SSBP2: variants seen among roughly 807,000 people sequenced by gnomAD.
SSBP2 encodes the protein single stranded DNA binding protein 2.
In SSBP2, 17 loss-of-function variants were observed where a neutral mutation model predicts 61.8. That is an observed-to-expected ratio of 0.28 (90% CI 0.19 to 0.41). The LOEUF is 0.41. Among genes scored for constraint, SSBP2 ranks in the 10% least tolerant of loss-of-function variants. The probability of loss-of-function intolerance (pLI) is 1.00; values close to 1 mark genes in which losing one functional copy is unlikely to be tolerated. For missense variants in SSBP2, 310 were observed against 458.7 expected, an observed-to-expected ratio of 0.68 and a Z score of 2.96; for synonymous variants, 139 against 141.3, an observed-to-expected ratio of 0.98 and a Z score of 0.12.
intron 12 of SSBP2, among the ~76,000 whole-genome samples, chr5:81,443,629 C>G (rs1252034497): frequency 1.3e-5 from 2 of 152,172 alleles, no homozygotes; most frequent in Admixed American, 1.3e-4. Flanking sequence ...GTGGCACAAT[C>G]TTGGCTCACT....
chr5:81,416,549 C>T lies in SSBP2; in HGVS notation c.*3955G>A, dbSNP rs569884263. On this transcript the variant is annotated 3_prime_UTR_variant, in exon 17 of 17. Transcript: ENST00000320672. ...TAGTATTAAGGACGGTGGAAAACTT[C>T]CCCAGCCAAAGGAGCAGTTCTGAAT... 6.6e-6 allele frequency: 1 copy of T among 152,274 alleles called. No individual in the cohort carries two copies. Among genetic ancestry groups the T allele is most frequent in the Admixed American group, 6.5e-5 (1 of 15,304 alleles). 9.4% of individuals were successfully genotyped at this position (152,274 alleles called of 1,614,324 possible). A position where few individuals can be genotyped will look rare whatever the true frequency, so the allele number is the denominator to read the frequency against.
intron 3 of SSBP2, among the ~76,000 whole-genome samples, chr5:81,633,442 C>A (rs1476977689): frequency 1.3e-5 from 2 of 152,084 alleles, no homozygotes; most frequent in Admixed American, 6.6e-5. Context: ...ACAGCCTCTT[C>A]TTCCTCCTCA....
chr5:81,476,430 T>C (rs139075209), intron 6 of SSBP2, among the ~76,000 whole-genome samples: 1 of 152,330 alleles, frequency 6.6e-6, no homozygotes. Flanking sequence ...ATGTCTATTC[T>C]ATCCCTACCT....
chr5:81,431,101 G>A (rs1762256140), intron 15 of SSBP2, among the ~76,000 whole-genome samples: 1 of 152,168 alleles, frequency 6.6e-6, no homozygotes, highest in Non-Finnish European at 1.5e-5. Flanking sequence ...AGGGTAGGTG[G>A]TAATGAATTG....
At chr5:81,583,843 G>T (rs1321841156) in intron 4 of SSBP2, among the ~76,000 whole-genome samples, 1 of 152,142 alleles carries the variant, frequency 6.6e-6, no homozygotes, top group Non-Finnish European at 1.5e-5. Flanking sequence ...CCAGAAAGGT[G>T]CATCCATAAT....
intron 4 of SSBP2, among the ~76,000 whole-genome samples, chr5:81,582,953 G>A (rs562223296): frequency 6.6e-6 from 1 of 152,222 alleles, no homozygotes; most frequent in South Asian, 2.1e-4. Context: ...AGGCACAGAG[G>A]CTCACATCTG....
Position 81,583,425 on chromosome 5 carries a change from T to C in SSBP2, c.282+32048A>G, listed in dbSNP as rs373510660. On this transcript the variant is annotated intron_variant, in intron 4 of 16. Coordinates refer to ENST00000320672, the MANE Select transcript of SSBP2 (RefSeq NM_012446.5). ...CGGGCAGATCACAAGGTCAGGAGAT[T>C]GAGACCATCCTGGCTAACACGGTGA... Among the ~76,000 whole-genome samples the C allele has an allele frequency of 7.2e-3, 1,097 of 151,974 alleles. 3 individuals are homozygous for C. Among genetic ancestry groups the C allele is most frequent in the Non-Finnish European group, 0.01 (710 of 67,950 alleles).
intron 1 of SSBP2, among the ~76,000 whole-genome samples, chr5:81,739,228 G>C (rs1369925877): frequency 6.8e-6 from 1 of 147,002 alleles, no homozygotes; most frequent in East Asian, 2.0e-4. Context: ...TGTCATTTAA[G>C]GCTGTTCTTG....
intron 4 of SSBP2, among the ~76,000 whole-genome samples, chr5:81,533,082 A>G (rs1358653146): frequency 6.6e-6 from 1 of 152,014 alleles, no homozygotes; most frequent in African/African-American, 2.4e-5. Flanking sequence ...CAGAATATAC[A>G]TTCTTTTAAT....
chr5:81,428,121 A>G (rs1051077181), intron 16 of SSBP2, among the ~76,000 whole-genome samples: 5 of 152,154 alleles, frequency 3.3e-5, no homozygotes, highest in African/African-American at 1.2e-4. Context: ...TAACAGTACA[A>G]TCACACGCAA....
intron 4 of SSBP2, among the ~76,000 whole-genome samples, chr5:81,585,993 G>A (rs1383940411): frequency 6.6e-6 from 1 of 152,144 alleles, no homozygotes; most frequent in Non-Finnish European, 1.5e-5. Flanking sequence ...TTTTAAGGCT[G>A]ACTAGTATTT....
intron 4 of SSBP2, among the ~76,000 whole-genome samples, chr5:81,563,575 A>T (rs1422098513): frequency 6.6e-6 from 1 of 152,238 alleles, no homozygotes; most frequent in Non-Finnish European, 1.5e-5. Context: ...CATGTAGACT[A>T]ATGGAACAGA....
intron 5 of SSBP2, among the ~76,000 whole-genome samples, chr5:81,494,172 T>G (rs1319979527): frequency 6.6e-6 from 1 of 152,228 alleles, no homozygotes; most frequent in Non-Finnish European, 1.5e-5. Flanking sequence ...AAAGTCATAT[T>G]ACATCATCCC....
At chr5:81,657,715 A>C (rs1282459244) in intron 1 of SSBP2, among the ~76,000 whole-genome samples, 1 of 152,234 alleles carries the variant, frequency 6.6e-6, no homozygotes, top group Non-Finnish European at 1.5e-5. Flanking sequence ...GTAAAAGATT[A>C]AACTTTGTGG....
chr5:81,595,468 G>C (rs549999176), intron 4 of SSBP2, among the ~76,000 whole-genome samples: 1 of 152,282 alleles, frequency 6.6e-6, no homozygotes, highest in South Asian at 2.1e-4. Flanking sequence ...AGAAAAAAAG[G>C]GAATCCTCCC....
At chr5:81,711,705 T>A (rs1447728060) in intron 1 of SSBP2, among the ~76,000 whole-genome samples, 1 of 145,940 alleles carries the variant, frequency 6.9e-6, no homozygotes, top group Non-Finnish European at 1.5e-5. Flanking sequence ...AAAAAAAAAA[T>A]AAAACCTTTA....
chr5:81,547,172 G>A (rs1561526948), intron 4 of SSBP2, among the ~76,000 whole-genome samples: 1 of 151,932 alleles, frequency 6.6e-6, no homozygotes, highest in Non-Finnish European at 1.5e-5. Flanking sequence ...AATGCAAAAC[G>A]GCGCAGCCAC....
intron 4 of SSBP2, among the ~76,000 whole-genome samples, chr5:81,514,269 G>T (rs1768839287): frequency 6.6e-6 from 1 of 151,166 alleles, no homozygotes. Context: ...GGGTGGTGAG[G>T]ACAAAAAAGT....
intron 2 of SSBP2, among the ~76,000 whole-genome samples, chr5:81,643,632 T>C (rs1318000349): frequency 6.9e-6 from 1 of 145,898 alleles, no homozygotes; most frequent in African/African-American, 2.6e-5. Flanking sequence ...AGATGGAGTC[T>C]TGCTTTGTCA....
Sources: allele counts gnomAD v4.1 joint callset (sites outside exome capture counted in the v4.1 genomes callset), GRCh38; gene constraint gnomAD v4.1.1; transcripts MANE v1.5; gene names NCBI Gene and HGNC (gene_info 2026-07-23, HGNC 2026-07-21).